Variants in PCDH15 observed in about 807,000 individuals in gnomAD.
PCDH15 encodes the protein protocadherin related 15.
PCDH15 carries 129 observed loss-of-function variants against 178.5 expected under a neutral mutation model. The ratio of observed to expected loss-of-function variants is 0.72; its 90% CI spans 0.63 to 0.84. The LOEUF is 0.84. PCDH15 is among the 40% of genes least tolerant of loss of function. The pLI is 0.00. For missense variants in PCDH15, 2,230 were observed against 2,099.9 expected (o/e 1.06, Z -1.21); for synonymous variants, 800 against 732.0 (o/e 1.09, Z -1.50).
chr10:54,082,043 T>C (rs1590300614), intron 16 of PCDH15, among the ~76,000 whole-genome samples: 1 of 152,192 alleles, frequency 6.6e-6, no homozygotes, highest in Non-Finnish European at 1.5e-5. Context: ...GTCTTTATCC[T>C]ACCATCTCAC....
At chr10:54,384,321 C>T (rs1490866474) in intron 3 of PCDH15, among the ~76,000 whole-genome samples, 1 of 40,592 alleles carries the variant, frequency 2.5e-5, no homozygotes, top group African/African-American at 6.6e-5. Flanking sequence ...CTGAAGATCC[C>T]CCCCCTTTTT....
Position 54,219,089 on chromosome 10 carries a change from T to TA in PCDH15, c.986-5042dup, listed in dbSNP as rs746481539. 6.9e-3 allele frequency among the ~76,000 whole-genome samples: 687 copies of TA among 100,080 alleles called. 6 individuals are homozygous for TA. The highest frequency in any genetic ancestry group is 0.021 in the African/African-American group (553 of 25,734). 65.7% of individuals were successfully genotyped at this position (100,080 alleles called of 152,430 possible). A position where few individuals can be genotyped will look rare whatever the true frequency, so the allele number is the denominator to read the frequency against. ...TAACATGGTGAAACCCTGTCTCTAC[T>TA]AAAAAAAAAAAAAAAAAACAAAAAA... On this transcript the variant is annotated intron_variant, in intron 9 of 37. Transcript: ENST00000644397.
intron 2 of PCDH15, among the ~76,000 whole-genome samples, chr10:54,650,236 C>T (rs994238878): frequency 2.0e-5 from 3 of 152,088 alleles, no homozygotes; most frequent in African/African-American, 7.2e-5. Flanking sequence ...AATCACAGGA[C>T]AGCATGTGGC....
intron 2 of PCDH15, among the ~76,000 whole-genome samples, chr10:55,384,739 A>G (rs1015259410): frequency 2.0e-5 from 3 of 152,140 alleles, no homozygotes; most frequent in African/African-American, 7.2e-5. Flanking sequence ...AATGAAAATA[A>G]ATATTTAGAT....
At chr10:53,951,610 G>A (rs757510947) in intron 23 of PCDH15, among the ~76,000 whole-genome samples, 64 of 152,178 alleles carry the variant, frequency 4.2e-4, no homozygotes, top group Non-Finnish European at 6.5e-4. Flanking sequence ...ATTTTTGGTC[G>A]TGTGTATGCT....
intron 2 of PCDH15, among the ~76,000 whole-genome samples, chr10:54,614,761 C>A (rs985085021): frequency 1.3e-5 from 2 of 151,924 alleles, no homozygotes; most frequent in Admixed American, 6.6e-5. Flanking sequence ...CACTTGCATA[C>A]TCCTGTGTGT....
intron 1 of PCDH15, among the ~76,000 whole-genome samples, chr10:54,729,552 T>C (rs112409737): frequency 0.1 from 15,438 of 151,682 alleles, 1,016 homozygotes; most frequent in Middle Eastern, 0.17. Flanking sequence ...AATTGACAAG[T>C]GGGACCTAAT....
chr10:55,350,364 G>A (rs544860861), intron 2 of PCDH15, among the ~76,000 whole-genome samples: 50 of 150,390 alleles, frequency 3.3e-4, no homozygotes, highest in African/African-American at 1.1e-3. Context: ...GGCCACCAGG[G>A]AGGTAGGAAA....
At chr10:54,310,197 A>G (rs573386849) in intron 8 of PCDH15, among the ~76,000 whole-genome samples, 4 of 152,202 alleles carry the variant, frequency 2.6e-5, no homozygotes. Context: ...TGATAAGATA[A>G]AAGCCGTGGA....
intron 1 of PCDH15, among the ~76,000 whole-genome samples, chr10:54,762,002 G>A (rs7074659): frequency 0.049 from 7,419 of 152,084 alleles, 635 homozygotes; most frequent in African/African-American, 0.17. Context: ...TAAACATAGA[G>A]TCCATACCAC....
intron 1 of PCDH15, chr10:55,319,483 T>C (rs1843827175): frequency 6.6e-6 from 1 of 151,930 alleles, no homozygotes; most frequent in South Asian, 2.1e-4. Flanking sequence ...AGGATGAACA[T>C]TTACCACCAA....
chr10:53,809,105 CTG>C (rs758562162), intron 37 of PCDH15: 57 of 1,613,834 alleles, frequency 3.5e-5, no homozygotes, highest in Non-Finnish European at 4.4e-5. Flanking sequence ...CCTTCTGACT[CTG>C]TGGATTCCGA....
chr10:54,266,818 C>G (rs2057722489), intron 8 of PCDH15, among the ~76,000 whole-genome samples: 1 of 151,784 alleles, frequency 6.6e-6, no homozygotes, highest in Non-Finnish European at 1.5e-5. Context: ...AAGTCCGGGA[C>G]TAGATGAATT....
chr10:55,191,723 A>C (rs1839948794), intron 1 of PCDH15, among the ~76,000 whole-genome samples: 1 of 151,690 alleles, frequency 6.6e-6, no homozygotes, highest in African/African-American at 2.4e-5. Flanking sequence ...CTGACTTGAA[A>C]CCCCAGCAAA....
intron 1 of PCDH15, among the ~76,000 whole-genome samples, chr10:54,725,343 G>A (rs67714772): frequency 0.12 from 18,314 of 150,144 alleles, 1,257 homozygotes; most frequent in African/African-American, 0.17. Flanking sequence ...AGTAATGAGC[G>A]AAATTTAGTA....
At chr10:54,831,356 T>G in intron 3 of PCDH15, among the ~76,000 whole-genome samples, 1 of 152,138 alleles carries the variant, frequency 6.6e-6, no homozygotes, top group East Asian at 1.9e-4. Context: ...AGTGAGATAT[T>G]AAATACATTT....
At chr10:54,685,320 G>A (rs567314266) in intron 1 of PCDH15, among the ~76,000 whole-genome samples, 1 of 152,086 alleles carries the variant, frequency 6.6e-6, no homozygotes, top group Non-Finnish European at 1.5e-5. Context: ...AAAACTTACA[G>A]TATTGTAAAT....
At chr10:54,307,616 C>T (rs1302406852) in intron 8 of PCDH15, among the ~76,000 whole-genome samples, 1 of 151,972 alleles carries the variant, frequency 6.6e-6, no homozygotes, top group Non-Finnish European at 1.5e-5. Context: ...GCTGCTCCCC[C>T]TCCCCAAAGT....
At chr10:55,494,998 G>T (rs1292960987) in intron 2 of PCDH15, among the ~76,000 whole-genome samples, 1 of 151,726 alleles carries the variant, frequency 6.6e-6, no homozygotes, top group South Asian at 2.1e-4. Context: ...TTGTTGACAA[G>T]GGTGTCAAAA....
Sources: gnomAD v4.1 joint callset for allele counts (sites outside exome capture counted in the v4.1 genomes callset) on GRCh38, gnomAD v4.1.1 for gene constraint, MANE v1.5 for transcripts, NCBI Gene and HGNC (gene_info 2026-07-23, HGNC 2026-07-21) for gene names.